AUTS2: variants seen among roughly 807,000 people sequenced by gnomAD.
AUTS2 encodes the protein activator of transcription and developmental regulator AUTS2.
In AUTS2, 17 loss-of-function variants were observed where a neutral mutation model predicts 112.4. The observed-to-expected ratio is 0.15, with a 90% confidence interval of 0.10 to 0.23. AUTS2 has a LOEUF of 0.23. AUTS2 is among the 10% of genes least tolerant of loss of function. The pLI is 1.00. For missense variants in AUTS2, 1,510 were observed against 1,701.6 expected (o/e 0.89, Z 1.98); for synonymous variants, 751 against 702.7 (o/e 1.07, Z -1.09).
chr7:69,915,919 G>A (rs544281472), intron 2 of AUTS2, among the ~76,000 whole-genome samples: 11 of 152,246 alleles, frequency 7.2e-5, no homozygotes, highest in Admixed American at 3.3e-4. Flanking sequence ...GGGTTTTGCC[G>A]TGGTGCCCAG....
chr7:70,469,440 G>T (rs1294799178), intron 5 of AUTS2, among the ~76,000 whole-genome samples: 1 of 152,120 alleles, frequency 6.6e-6, no homozygotes, highest in Non-Finnish European at 1.5e-5. Context: ...AAGAGCAAAG[G>T]CCCTGAGGCT....
At chr7:69,791,493 A>G (rs1399217505) in intron 1 of AUTS2, among the ~76,000 whole-genome samples, 1 of 152,220 alleles carries the variant, frequency 6.6e-6, no homozygotes. Context: ...TGTGGAGTGC[A>G]GTCACGTCGT....
chr7:70,781,938 C>T (rs1791116474), intron 15 of AUTS2, 182 bp downstream of exon 15: 1 of 684,594 alleles, frequency 1.5e-6, no homozygotes, highest in Non-Finnish European at 2.4e-6. Context: ...GATACACTCT[C>T]TTTCATTAAA....
intron 2 of AUTS2, among the ~76,000 whole-genome samples, chr7:69,913,922 G>T (rs779013028): frequency 1.8e-4 from 28 of 152,110 alleles, no homozygotes; most frequent in Middle Eastern, 6.8e-3. Flanking sequence ...GGAAGAAATG[G>T]TTCCCCCTCT....
chr7:70,153,330 T>C (rs1807548257), intron 4 of AUTS2, among the ~76,000 whole-genome samples: 1 of 152,186 alleles, frequency 6.6e-6, no homozygotes, highest in Non-Finnish European at 1.5e-5. Context: ...AAAAGGTACA[T>C]ATTGTATGGT....
chr7:69,816,575 G>C (rs1201060999), intron 1 of AUTS2, among the ~76,000 whole-genome samples: 1 of 152,162 alleles, frequency 6.6e-6, no homozygotes, highest in Non-Finnish European at 1.5e-5. Flanking sequence ...AAGTTTCATG[G>C]TACTAATATC....
At chr7:69,770,817 C>T (rs1472060411) in intron 1 of AUTS2, among the ~76,000 whole-genome samples, 1 of 151,938 alleles carries the variant, frequency 6.6e-6, no homozygotes, top group African/African-American at 2.4e-5. Flanking sequence ...CTCACCTCAG[C>T]TGCACTTAGG....
intron 5 of AUTS2, among the ~76,000 whole-genome samples, chr7:70,452,704 A>G (rs921495061): frequency 3.3e-5 from 5 of 152,142 alleles, no homozygotes; most frequent in African/African-American, 7.2e-5. Context: ...AAACATGGCC[A>G]TGTCATCAGT....
intron 4 of AUTS2, among the ~76,000 whole-genome samples, chr7:70,374,882 A>T (rs1287046701): frequency 6.6e-6 from 1 of 152,020 alleles, no homozygotes; most frequent in Non-Finnish European, 1.5e-5. Flanking sequence ...TGAGGCAAGA[A>T]CTCCCTAAAC....
At chr7:70,472,036 A>G (rs995709385) in intron 5 of AUTS2, among the ~76,000 whole-genome samples, 4 of 152,156 alleles carry the variant, frequency 2.6e-5, no homozygotes, top group African/African-American at 9.7e-5. Flanking sequence ...CAGTTACTCA[A>G]GTGGGCCAGC....
intron 5 of AUTS2, among the ~76,000 whole-genome samples, chr7:70,659,592 G>T (rs539636656): frequency 3.7e-4 from 56 of 152,276 alleles, no homozygotes; most frequent in South Asian, 8.3e-4. Context: ...GATTATTGCA[G>T]GGGTTCAAGT....
chr7:69,693,329 G>A (rs900831160), intron 1 of AUTS2, among the ~76,000 whole-genome samples: 2 of 152,174 alleles, frequency 1.3e-5, no homozygotes, highest in Admixed American at 6.5e-5. Context: ...GACTTTTTTG[G>A]CAAATAGTTG....
At chr7:70,347,470 TC>T (rs1232717985) in intron 4 of AUTS2, among the ~76,000 whole-genome samples, 1 of 152,190 alleles carries the variant, frequency 6.6e-6, no homozygotes, top group Non-Finnish European at 1.5e-5. Context: ...GGGTGAATAT[TC>T]CCAGTGTTTC....
intron 2 of AUTS2, among the ~76,000 whole-genome samples, chr7:69,906,636 G>C (rs1319306489): frequency 2.0e-5 from 3 of 152,230 alleles, no homozygotes; most frequent in Admixed American, 2.0e-4. Context: ...TGGGCTTTAA[G>C]ACAGGCAGAC....
chr7:70,333,764 A>G (rs1790865660), intron 4 of AUTS2, among the ~76,000 whole-genome samples: 1 of 152,170 alleles, frequency 6.6e-6, no homozygotes, highest in Non-Finnish European at 1.5e-5. Flanking sequence ...CAATGAGAAC[A>G]CATGGACACA....
chr7:70,675,438 G>A (rs1807861335), intron 5 of AUTS2, among the ~76,000 whole-genome samples: 1 of 152,216 alleles, frequency 6.6e-6, no homozygotes, highest in African/African-American at 2.4e-5. Context: ...GGAGGTTGCA[G>A]TGAGCCAAGA....
intron 5 of AUTS2, among the ~76,000 whole-genome samples, chr7:70,659,610 A>G (rs898811305): frequency 6.6e-6 from 1 of 152,182 alleles, no homozygotes; most frequent in Non-Finnish European, 1.5e-5. Flanking sequence ...AGTTATGGAC[A>G]TTACTGGGAG....
chr7:69,839,083 G>A (rs1184343853), intron 1 of AUTS2, among the ~76,000 whole-genome samples: 1 of 152,116 alleles, frequency 6.6e-6, no homozygotes, highest in Non-Finnish European at 1.5e-5. Flanking sequence ...ATTTCTGTTC[G>A]TAATCAGAAT....
At chr7:70,710,243 G>T (rs1353992399) in intron 6 of AUTS2, among the ~76,000 whole-genome samples, 1 of 150,702 alleles carries the variant, frequency 6.6e-6, no homozygotes, top group African/African-American at 2.4e-5. Context: ...AGGGTGGGGG[G>T]CAGGGGCGAG....
Sources: gnomAD v4.1 joint callset for allele counts (sites outside exome capture counted in the v4.1 genomes callset) on GRCh38, gnomAD v4.1.1 for gene constraint, MANE v1.5 for transcripts, NCBI Gene and HGNC (gene_info 2026-07-23, HGNC 2026-07-21) for gene names.